JAKMIP2: variants seen among roughly 807,000 people sequenced by gnomAD.
JAKMIP2 encodes janus kinase and microtubule-interacting protein 2.
A neutral mutation model predicts 115.0 loss-of-function variants in JAKMIP2; 25 were observed. The ratio of observed to expected loss-of-function variants is 0.22; its 90% CI spans 0.16 to 0.30. The LOEUF is 0.30. JAKMIP2 is among the 10% of genes least tolerant of loss of function. The pLI is 1.00. For missense variants in JAKMIP2, 642 were observed against 957.6 expected (o/e 0.67, Z 4.35); for synonymous variants, 334 against 343.6 (o/e 0.97, Z 0.31).
rs552502420 is a variant in JAKMIP2 at position 147,589,773 on chromosome 5, T to C, written c.*1934A>G. 4.6e-5 allele frequency: 7 copies of C among 152,342 alleles called. No homozygotes were observed. The East Asian group carries it at 1.4e-3, about 29-fold the overall frequency. The allele number at this position is 152,342 out of a possible 1,614,324, so 9.4% of individuals were successfully genotyped here. The stretch of plus-strand genomic sequence containing the variant: ...TGAATCTCTCAATTTTTATTGCTAA[T>C]AATGTCCCAAGTAGCTTGATAAGCA... On this transcript the variant is annotated 3_prime_UTR_variant, in exon 22 of 22. Coordinates refer to ENST00000616793, the MANE Select transcript of JAKMIP2 (RefSeq NM_001270941.2).
chr5:147,740,997 A>G (rs570304229), intron 1 of JAKMIP2, among the ~76,000 whole-genome samples: 1 of 152,106 alleles, frequency 6.6e-6, no homozygotes. Context: ...CTAGACCACT[A>G]TCGCCTCATA....
intron 16 of JAKMIP2, 41 bp downstream of exon 16, chr5:147,628,710 C>T: frequency 6.6e-7 from 1 of 1,514,936 alleles, no homozygotes; most frequent in Non-Finnish European, 9.2e-7. Flanking sequence ...AGTATTAAGC[C>T]AGACACCGAG....
chr5:147,653,959 A>C (rs1474846890), intron 3 of JAKMIP2, among the ~76,000 whole-genome samples: 2 of 152,186 alleles, frequency 1.3e-5, no homozygotes, highest in Non-Finnish European at 2.9e-5. Flanking sequence ...ACCATGTATT[A>C]AGTAGGGAAT....
intron 21 of JAKMIP2, among the ~76,000 whole-genome samples, chr5:147,600,886 T>A: frequency 6.6e-6 from 1 of 152,274 alleles, no homozygotes; most frequent in East Asian, 1.9e-4. Flanking sequence ...ATATTGACAT[T>A]GAAAAGTAAC....
At chr5:147,696,011 T>A (rs144364497) in intron 1 of JAKMIP2, among the ~76,000 whole-genome samples, 1 of 152,182 alleles carries the variant, frequency 6.6e-6, no homozygotes, top group Non-Finnish European at 1.5e-5. Flanking sequence ...TTTATGGAGA[T>A]CTTTCCAATT....
chr5:147,601,114 T>A (rs1267787957), intron 21 of JAKMIP2, among the ~76,000 whole-genome samples: 1 of 152,142 alleles, frequency 6.6e-6, no homozygotes, highest in African/African-American at 2.4e-5. Flanking sequence ...GAGACTATGA[T>A]GAGAATGCTA....
In JAKMIP2 at chr5:147,604,873, C is replaced by T. The variant is rs1301751462; in HGVS notation, c.2413-3062G>A. Among the ~76,000 whole-genome samples the T allele has an allele frequency of 4.0e-5, 6 of 150,874 alleles. No individual in the cohort carries two copies. The East Asian group carries it at 7.8e-4, about 20-fold the overall frequency. ...TAAGTTCTGGGATATATGCGCAGAACGTGCAGGTTTGTTACATAAGTATAC... is the reference window on the plus strand; with the variant it reads ...TAAGTTCTGGGATATATGCGCAGAATGTGCAGGTTTGTTACATAAGTATAC... On this transcript the variant is annotated intron_variant, in intron 20 of 21. Transcript: ENST00000616793.
intron 2 of JAKMIP2, 119 bp downstream of exon 2, chr5:147,671,559 C>T (rs574796227): frequency 2.6e-6 from 2 of 780,770 alleles, no homozygotes; most frequent in South Asian, 5.7e-5. Context: ...GGGACGTTGC[C>T]CTCTCTGGCA....
At position 147,648,367 on chromosome 5, in the gene JAKMIP2, A is replaced by C; in HGVS notation, c.936+9T>G. The C allele has an allele frequency of 6.6e-7, 1 of 1,519,030 alleles. No homozygotes were observed. The highest frequency in any genetic ancestry group is 9.1e-7 in the Non-Finnish European group (1 of 1,096,056). The allele number at this position is 1,519,030 out of a possible 1,614,324, so 94.1% of individuals were successfully genotyped here. A position where few individuals can be genotyped will look rare whatever the true frequency, so the allele number is the denominator to read the frequency against. ...AACAACATCAACAAAAATTTTTAGT[A>C]TATCTCACCAGTTCATTTCGTTCAT... is the stretch of plus-strand genomic sequence containing the variant. On this transcript the variant is annotated intron_variant, in intron 5 of 21. Transcript: ENST00000616793.
chr5:147,638,525 G>A (rs1461598703), intron 10 of JAKMIP2, among the ~76,000 whole-genome samples: 1 of 152,138 alleles, frequency 6.6e-6, no homozygotes, highest in Non-Finnish European at 1.5e-5. Flanking sequence ...CTAAATTGGT[G>A]TTTTTTAAAA....
intron 1 of JAKMIP2, among the ~76,000 whole-genome samples, chr5:147,751,705 T>A (rs1298198309): frequency 1.3e-5 from 2 of 152,090 alleles, no homozygotes; most frequent in African/African-American, 4.8e-5. Flanking sequence ...CTCTTTTTCC[T>A]TCTGAAATTC....
chr5:147,653,942 T>C (rs1229544413), intron 3 of JAKMIP2, among the ~76,000 whole-genome samples: 3 of 152,214 alleles, frequency 2.0e-5, no homozygotes, highest in Non-Finnish European at 4.4e-5. Flanking sequence ...TAGCCAGTTT[T>C]CCCAGCACCA....
chr5:147,602,989 G>A (rs770710459), intron 20 of JAKMIP2, among the ~76,000 whole-genome samples: 44 of 152,270 alleles, frequency 2.9e-4, no homozygotes, highest in Non-Finnish European at 5.6e-4. Context: ...TTCCTTGAAG[G>A]TAGACTTATA....
chr5:147,642,544 A>G (rs1033859531), intron 7 of JAKMIP2, among the ~76,000 whole-genome samples: 4 of 152,190 alleles, frequency 2.6e-5, no homozygotes, highest in Admixed American at 2.6e-4. Flanking sequence ...GGATACTCAA[A>G]GCCAGGCAAA....
intron 21 of JAKMIP2, chr5:147,594,352 T>G (rs1191820379): frequency 2.6e-6 from 1 of 383,322 alleles, no homozygotes; most frequent in Non-Finnish European, 5.5e-6. Context: ...TTTTTCTTTT[T>G]GATACAGGGT....
At chr5:147,684,139 A>G (rs1455041122) in intron 1 of JAKMIP2, among the ~76,000 whole-genome samples, 1 of 152,170 alleles carries the variant, frequency 6.6e-6, no homozygotes, top group Non-Finnish European at 1.5e-5. Context: ...AAGGTAGTCA[A>G]CGTATCCACA....
chr5:147,636,251 T>C lies in JAKMIP2; in HGVS notation c.1648A>G (p.Ile550Val), dbSNP rs775294022. 1 of 1,613,912 alleles carries C rather than the reference T, an allele frequency of 6.2e-7. No individual in the cohort carries two copies. Among genetic ancestry groups the C allele is most frequent in the Non-Finnish European group, 8.5e-7 (1 of 1,179,814 alleles). The change falls in exon 12 of 22, where the codon ATT becomes GTT. Residue 550 changes from isoleucine (I) to valine (V), a missense_variant. Coordinates refer to ENST00000616793, the MANE Select transcript of JAKMIP2 (RefSeq NM_001270941.2). ...TCTAAAAGCTCCTGGTTTCTCTTAA[T>C]GAAAAGTTGTTTATCTTCTACCCAG... is the stretch of plus-strand genomic sequence containing the variant. ...SHWVEDKQLF[I>V]KRNQELLEKI...
chr5:147,597,488 G>T (rs1316042169), intron 21 of JAKMIP2, among the ~76,000 whole-genome samples: 1 of 151,946 alleles, frequency 6.6e-6, no homozygotes, highest in Admixed American at 6.6e-5. Flanking sequence ...GTCCAGTGGG[G>T]GACAGTAAAA....
chr5:147,695,458 G>A (rs1217567897), intron 1 of JAKMIP2, among the ~76,000 whole-genome samples: 1 of 152,080 alleles, frequency 6.6e-6, no homozygotes, highest in Non-Finnish European at 1.5e-5. Flanking sequence ...CACATATCCT[G>A]TCTCGAGAGA....
Sources: gnomAD v4.1 joint callset for allele counts (sites outside exome capture counted in the v4.1 genomes callset) on GRCh38, gnomAD v4.1.1 for gene constraint, MANE v1.5 for transcripts, NCBI Gene and HGNC (gene_info 2026-07-23, HGNC 2026-07-21) for gene names.